Variants in TXLNB observed in about 807,000 individuals in gnomAD.
TXLNB encodes beta-taxilin.
TXLNB carries 37 observed loss-of-function variants against 57.4 expected under a neutral mutation model. That is an observed-to-expected ratio of 0.64 (90% CI 0.50 to 0.85). The LOEUF (loss-of-function observed/expected upper bound fraction) is 0.85. Ranked by LOEUF, TXLNB falls within the 40% of genes least tolerant of loss-of-function variation. The pLI, the probability that TXLNB is intolerant of heterozygous loss-of-function variation, is 0.00. For missense variants in TXLNB, 848 were observed against 825.6 expected, an observed-to-expected ratio of 1.03 and a Z score of -0.33; for synonymous variants, 302 against 309.6, an observed-to-expected ratio of 0.98 and a Z score of 0.26.
At chr6:139,205,063 G>T in the TXLNB span, among the ~76,000 whole-genome samples, 7 of 152,124 alleles carry the variant, frequency 4.6e-5, no homozygotes, top group African/African-American at 1.7e-4. Flanking sequence ...AAACTCTTGG[G>T]AGCCCATTGC....
At chr6:139,281,235 A>G (rs1777040134) in intron 2 of TXLNB, among the ~76,000 whole-genome samples, 3 of 152,174 alleles carry the variant, frequency 2.0e-5, no homozygotes, top group Admixed American at 2.0e-4. Flanking sequence ...TTAGATAACA[A>G]TGAAAACAAA....
the TXLNB span, among the ~76,000 whole-genome samples, chr6:139,311,399 C>T: frequency 6.6e-6 from 1 of 151,166 alleles, no homozygotes; most frequent in Non-Finnish European, 1.5e-5. Flanking sequence ...GTGGGCAGAT[C>T]TGAACGCAGG....
chr6:139,210,976 C>G, the TXLNB span, among the ~76,000 whole-genome samples: 1 of 152,140 alleles, frequency 6.6e-6, no homozygotes, highest in African/African-American at 2.4e-5. Flanking sequence ...GTAAACAAAG[C>G]GGCAGGAAGC....
the TXLNB span, among the ~76,000 whole-genome samples, chr6:139,163,207 G>A: frequency 3.3e-5 from 5 of 152,178 alleles, no homozygotes; most frequent in African/African-American, 9.7e-5. Flanking sequence ...TGGCCTCTAC[G>A]GGATGGACAG....
At chr6:139,315,002 C>A in the TXLNB span, among the ~76,000 whole-genome samples, 1 of 152,102 alleles carries the variant, frequency 6.6e-6, no homozygotes, top group South Asian at 2.1e-4. Context: ...GGTCATGCAG[C>A]CCTTGGTTCC....
At chr6:139,323,641 G>A in the TXLNB span, among the ~76,000 whole-genome samples, 1 of 152,078 alleles carries the variant, frequency 6.6e-6, no homozygotes. Context: ...CCTGGGCTGG[G>A]GACAAGCAGG....
rs759781664 is a variant in TXLNB at position 139,260,299 on chromosome 6, C to A, written c.1002+19G>T. ...ACTGAGGTAGACCAGATATGCACAA[C>A]GACTAAAATGATAAATACATATTCC... On this transcript the variant is annotated intron_variant, in intron 6 of 9. Transcript: ENST00000358430. 2 of 1,613,414 alleles carry A rather than the reference C, an allele frequency of 1.2e-6. No individual in the cohort carries two copies. Among genetic ancestry groups the A allele is most frequent in the South Asian group, 2.2e-5 (2 of 90,918 alleles).
chr6:139,207,365 A>G, the TXLNB span, among the ~76,000 whole-genome samples: 1 of 152,210 alleles, frequency 6.6e-6, no homozygotes, highest in Non-Finnish European at 1.5e-5. Context: ...AAAGTAAATA[A>G]TCTGCCCTTG....
the TXLNB span, among the ~76,000 whole-genome samples, chr6:139,221,551 C>A: frequency 7.9e-5 from 12 of 152,042 alleles, no homozygotes; most frequent in African/African-American, 2.9e-4. Flanking sequence ...GGCAAAATTG[C>A]TGAAAACCAA....
At chr6:139,226,302 CAAAAAAAA>C in the TXLNB span, among the ~76,000 whole-genome samples, 4 of 39,246 alleles carry the variant, frequency 1.0e-4, no homozygotes, top group African/African-American at 3.3e-4. Flanking sequence ...GACCCTGTCT[CAAAAAAAA>C]AAAAAAAAAA....
the TXLNB span, chr6:139,167,046 G>A: frequency 2.5e-6 from 4 of 1,614,130 alleles, no homozygotes; most frequent in Non-Finnish European, 3.4e-6. Context: ...CAGTTCCTTC[G>A]GCGGCTGGAC....
chr6:139,231,952 G>A, the TXLNB span, among the ~76,000 whole-genome samples: 1 of 152,210 alleles, frequency 6.6e-6, no homozygotes, highest in Non-Finnish European at 1.5e-5. Flanking sequence ...TCTTTACTCA[G>A]AGCATTACAA....
At chr6:139,182,892 G>T in the TXLNB span, 1 of 152,096 alleles carries the variant, frequency 6.6e-6, no homozygotes, top group African/African-American at 2.4e-5. Context: ...TGTTCAAATG[G>T]AATTGGCTAC....
At position 139,255,669 on chromosome 6, in the gene TXLNB, G is replaced by T. The variant is rs200315092; in HGVS notation, c.1003-31C>A. 330 of 1,581,270 alleles carry T rather than the reference G, an allele frequency of 2.1e-4. 1 individual carries two copies. In the African/African-American group the frequency reaches 3.7e-3, roughly 18 times the overall value. Reference sequence around the variant, plus strand: ...AGAAGAGAGAGTGTGTGGAAAGATGGTCAGATTTGCCTTTTAGATTACTAT... The same window carrying T: ...AGAAGAGAGAGTGTGTGGAAAGATGTTCAGATTTGCCTTTTAGATTACTAT... On this transcript the variant is annotated intron_variant, in intron 6 of 9. Transcript: ENST00000358430.
chr6:139,261,706 A>G (rs1053035030), intron 5 of TXLNB, among the ~76,000 whole-genome samples: 3 of 152,020 alleles, frequency 2.0e-5, no homozygotes, highest in South Asian at 2.1e-4. Context: ...CTTCTCATCT[A>G]TAAGATATGG....
At chr6:139,210,229 G>T in the TXLNB span, among the ~76,000 whole-genome samples, 2 of 152,094 alleles carry the variant, frequency 1.3e-5, no homozygotes, top group African/African-American at 4.8e-5. Context: ...GGAGGGGGGT[G>T]TGGTGAGAGG....
intron 2 of TXLNB, among the ~76,000 whole-genome samples, chr6:139,280,390 T>C (rs1207601180): frequency 6.6e-6 from 1 of 152,188 alleles, no homozygotes; most frequent in African/African-American, 2.4e-5. Flanking sequence ...TATACTAAGT[T>C]TGGTGACAAC....
the TXLNB span, among the ~76,000 whole-genome samples, chr6:139,173,380 G>A: frequency 2.0e-5 from 3 of 152,092 alleles, no homozygotes; most frequent in Admixed American, 2.0e-4. Context: ...GGAGGAAGGG[G>A]GTCATGCAAG....
rs535425392 is a variant in TXLNB, at chr6:139,242,631, G to A, written c.1950C>T (p.Pro650=). The part of the protein sequence containing the change: ...HVAAMVPACE[P]SRQPPRAAAE... ...CTGCTGCTCGTGGGGGCTGCCTACT[G>A]GGCTCGCATGCAGGCACCATGGCTG... The change falls in exon 10 of 10, where the codon CCC becomes CCT. Residue 650 remains proline, a synonymous_variant. Transcript: ENST00000358430. 6.2e-7 allele frequency: 1 copy of A among 1,604,316 alleles called. No individual in the cohort carries two copies. Among genetic ancestry groups the A allele is most frequent in the Non-Finnish European group, 8.5e-7 (1 of 1,175,700 alleles).
Sources: gnomAD v4.1 joint callset for allele counts (sites outside exome capture counted in the v4.1 genomes callset) on GRCh38, gnomAD v4.1.1 for gene constraint, MANE v1.5 for transcripts, NCBI Gene and HGNC (gene_info 2026-07-23, HGNC 2026-07-21) for gene names.